PCDHGA3: variants seen among roughly 807,000 people sequenced by gnomAD.
PCDHGA3 encodes protocadherin gamma-A3.
PCDHGA3 carries 40 observed loss-of-function variants against 58.5 expected under a neutral mutation model. That is an observed-to-expected ratio of 0.68 (90% CI 0.53 to 0.89). The LOEUF is 0.89. PCDHGA3 is among the 40% of genes least tolerant of loss of function. PCDHGA3 has a pLI of 0.00. For synonymous variants in PCDHGA3, 530 were observed against 525.7 expected (o/e 1.01, Z -0.11); for missense variants, 1,223 against 1,195.9 (o/e 1.02, Z -0.33).
intron 1 of PCDHGA3, chr5:141,350,225 T>A: frequency 6.7e-7 from 1 of 1,498,610 alleles, no homozygotes; most frequent in Non-Finnish European, 8.9e-7. Context: ...TTGAAAAACA[T>A]CCCAGAGGAA....
At chr5:141,409,769 G>T (rs1413636372) in intron 1 of PCDHGA3, 3 of 1,612,776 alleles carry the variant, frequency 1.9e-6, no homozygotes, top group Middle Eastern at 1.7e-4. Flanking sequence ...CTTTGATCAC[G>T]AGCAGCTGCG....
Position 141,487,421 on chromosome 5 carries a change from C to T in PCDHGA3, c.2425-7386C>T. ...GGGGCTTCCCCCTTCCAATGGGATC[C>T]TCCGAATCCAGCTAGGGTCAGATGA... On this transcript the variant is annotated intron_variant, in intron 1 of 3. Coordinates refer to ENST00000253812, the MANE Select transcript of PCDHGA3 (RefSeq NM_018916.4). This position sits in a 1 kb window ranked among gnomAD's most constrained non-coding sequence, Gnocchi z 5.0. The T allele has an allele frequency of 6.2e-7, 1 of 1,614,144 alleles. No homozygotes were observed. The highest frequency in any genetic ancestry group is 1.1e-5 in the South Asian group (1 of 91,082).
intron 1 of PCDHGA3, among the ~76,000 whole-genome samples, chr5:141,472,508 C>T (rs140607073): frequency 0.01 from 1,548 of 151,922 alleles, 35 homozygotes; most frequent in African/African-American, 0.035. Flanking sequence ...CCACTGCACT[C>T]CAGCCTGGGT....
chr5:141,398,469 G>A (rs1490431965), intron 1 of PCDHGA3: 1 of 1,604,084 alleles, frequency 6.2e-7, no homozygotes, highest in Admixed American at 1.7e-5. Context: ...AAAATCCACT[G>A]AACTTTTATC....
chr5:141,494,832 G>T lies in PCDHGA3; in HGVS notation c.2450G>T (p.Arg817Leu). 1 of 1,614,066 alleles carries T rather than the reference G, an allele frequency of 6.2e-7. No homozygotes were observed. ...CAAGCCCCGCCCAACACGGACTGGCGTTTCTCTCAGGCCCAGAGACCCGGC... is the reference window on the plus strand; with the variant it reads ...CAAGCCCCGCCCAACACGGACTGGCTTTTCTCTCAGGCCCAGAGACCCGGC... The part of the protein sequence containing the change: ...LQQAPPNTDW[R>L]FSQAQRPGTS... The change falls in exon 2 of 4, where the codon CGT becomes CTT. Residue 817 changes from arginine to leucine, a missense_variant. This residue lies in a region of PCDHGA3 where 325 missense variants were observed against 327.5 expected (regional missense o/e 0.99). Transcript: ENST00000253812.
intron 1 of PCDHGA3, chr5:141,383,640 C>A (rs1305472453): frequency 3.1e-6 from 5 of 1,613,848 alleles, no homozygotes; most frequent in Non-Finnish European, 4.2e-6. Flanking sequence ...TGCCTCAGTA[C>A]CAAGTAACTG....
At chr5:141,362,214 T>TGTGGCC (rs1294960124) in intron 1 of PCDHGA3, 1 of 1,613,866 alleles carries the variant, frequency 6.2e-7, no homozygotes, top group Non-Finnish European at 8.5e-7. Flanking sequence ...TTTACCTGGT[T>TGTGGCC]GTGGCCTTGG....
Position 141,490,520 on chromosome 5 carries a change from G to A in PCDHGA3, c.2425-4287G>A. 1 of 1,614,072 alleles carries A rather than the reference G, an allele frequency of 6.2e-7. No individual in the cohort carries two copies. Among genetic ancestry groups the A allele is most frequent in the Non-Finnish European group, 8.5e-7 (1 of 1,180,014 alleles). ...CACTATATCATCGAGCTGCTGGCCAGCGATGCTGGTTCACCTTCCCTACAC... is the reference window on the plus strand; with the variant it reads ...CACTATATCATCGAGCTGCTGGCCAACGATGCTGGTTCACCTTCCCTACAC... On this transcript the variant is annotated intron_variant, in intron 1 of 3. Coordinates refer to ENST00000253812, the MANE Select transcript of PCDHGA3 (RefSeq NM_018916.4). The surrounding 1 kb of genome is among the most constrained non-coding windows in gnomAD (Gnocchi z 5.4).
intron 1 of PCDHGA3, chr5:141,399,180 G>A (rs1454578078): frequency 6.2e-7 from 1 of 1,613,916 alleles, no homozygotes; most frequent in Non-Finnish European, 8.5e-7. Context: ...TACTTGAAAT[G>A]ATTCTGGAAA....
intron 1 of PCDHGA3, chr5:141,394,160 T>G (rs749389529): frequency 1.7e-5 from 27 of 1,613,534 alleles, no homozygotes; most frequent in Non-Finnish European, 2.3e-5. Flanking sequence ...ACGACAACCC[T>G]CCTACTTTCC....
intron 1 of PCDHGA3, chr5:141,365,312 G>T: frequency 1.2e-6 from 2 of 1,614,006 alleles, no homozygotes; most frequent in African/African-American, 1.3e-5. Context: ...AGGCGCTCTT[G>T]TTGCCAGCGC....
chr5:141,433,361 ATCT>A, intron 1 of PCDHGA3: 2 of 297,578 alleles, frequency 6.7e-6, no homozygotes, highest in Non-Finnish European at 1.3e-5. Context: ...CTGTCTGCCT[ATCT>A]ATCTATCTAT....
chr5:141,365,125 C>T, intron 1 of PCDHGA3: 2 of 1,613,882 alleles, frequency 1.2e-6, no homozygotes, highest in Non-Finnish European at 1.7e-6. Context: ...TCATGCTAAC[C>T]GCCACGGATC....
At chr5:141,364,094 A>G (rs4151697) in intron 1 of PCDHGA3, 43,426 of 397,716 alleles carry the variant, frequency 0.11, 3,266 homozygotes, top group African/African-American at 0.28. Context: ...ATGGAATTTG[A>G]TGCAGTCACT....
chr5:141,470,871 T>C (rs1036871133), intron 1 of PCDHGA3, among the ~76,000 whole-genome samples: 1 of 151,822 alleles, frequency 6.6e-6, no homozygotes, highest in Admixed American at 6.6e-5. Flanking sequence ...TGTTTGTTTG[T>C]TTTTTTGTTT....
chr5:141,378,980 G>T (rs1336652080), intron 1 of PCDHGA3: 1 of 152,182 alleles, frequency 6.6e-6, no homozygotes, highest in Non-Finnish European at 1.5e-5. Context: ...ATGACTTGTT[G>T]AACTACATTA....
chr5:141,450,253 A>G (rs1025385837), intron 1 of PCDHGA3, among the ~76,000 whole-genome samples: 1 of 152,020 alleles, frequency 6.6e-6, no homozygotes, highest in African/African-American at 2.4e-5. Flanking sequence ...CCTGACCTCA[A>G]GTGATCTGCC....
intron 1 of PCDHGA3, chr5:141,424,285 T>A (rs573116321): frequency 6.5e-6 from 1 of 152,894 alleles, no homozygotes; most frequent in South Asian, 2.1e-4. Context: ...CTTTGTCTCA[T>A]TTCTTCATCC....
chr5:141,487,529 A>G lies in PCDHGA3; in HGVS notation c.2425-7278A>G, dbSNP rs772843725. ...TGCACCCACTCGGAGTGATAGCTTCATGATGGTGAAGTCACCCAGTGCACC... is the reference window on the plus strand; with the variant it reads ...TGCACCCACTCGGAGTGATAGCTTCGTGATGGTGAAGTCACCCAGTGCACC... On this transcript the variant is annotated intron_variant, in intron 1 of 3. Coordinates refer to ENST00000253812, the MANE Select transcript of PCDHGA3 (RefSeq NM_018916.4). The surrounding 1 kb of genome is among the most constrained non-coding windows in gnomAD (Gnocchi z 5.0). The G allele has an allele frequency of 2.0e-5, 32 of 1,614,168 alleles. No individual in the cohort carries two copies. Among genetic ancestry groups the G allele is most frequent in the Non-Finnish European group, 2.5e-5 (29 of 1,180,040 alleles).
Sources: allele counts gnomAD v4.1 joint callset (sites outside exome capture counted in the v4.1 genomes callset), GRCh38; gene constraint gnomAD v4.1.1; regional missense constraint gnomAD v4.1.1; non-coding constraint Gnocchi (gnomAD v3.1); transcripts MANE v1.5; gene names NCBI Gene and HGNC (gene_info 2026-07-23, HGNC 2026-07-21).